PARD3B: variants seen among roughly 807,000 people sequenced by gnomAD.
PARD3B encodes par-3 family cell polarity regulator beta, also known as partitioning defective 3 homolog B.
A neutral mutation model predicts 130.2 loss-of-function variants in PARD3B; 103 were observed. The observed-to-expected ratio is 0.79, with a 90% CI of 0.67 to 0.93. PARD3B has a LOEUF of 0.93. Among genes scored for constraint, PARD3B ranks in the 40% least tolerant of loss-of-function variants. PARD3B has a pLI of 0.00. For missense variants in PARD3B, 1,609 were observed against 1,499.2 expected (o/e 1.07, Z -1.21); for synonymous variants, 583 against 553.2 (o/e 1.05, Z -0.76).
At chr2:204,711,897 G>T (rs1001489064) in intron 2 of PARD3B, among the ~76,000 whole-genome samples, 2 of 152,114 alleles carry the variant, frequency 1.3e-5, no homozygotes, top group Non-Finnish European at 2.9e-5. Flanking sequence ...GTGCAGAAAG[G>T]TGAAGTAACT....
At chr2:204,968,552 C>T (rs1691445983) in intron 3 of PARD3B, among the ~76,000 whole-genome samples, 1 of 152,224 alleles carries the variant, frequency 6.6e-6, no homozygotes, top group Non-Finnish European at 1.5e-5. Flanking sequence ...CTTGCAGCCA[C>T]TGTGAACCAC....
At chr2:204,970,696 T>G (rs1691628000) in intron 3 of PARD3B, among the ~76,000 whole-genome samples, 1 of 152,230 alleles carries the variant, frequency 6.6e-6, no homozygotes, top group African/African-American at 2.4e-5. Context: ...AAATATTTAT[T>G]TAGTTAAATT....
At chr2:205,264,063 C>A (rs2040414488) in intron 16 of PARD3B, among the ~76,000 whole-genome samples, 1 of 150,896 alleles carries the variant, frequency 6.6e-6, no homozygotes. Context: ...GGACCCAAAG[C>A]TGACCTGAGA....
rs1702088773 is a variant in PARD3B at position 205,091,282 on chromosome 2, C to T, written c.505-13144C>T. 6.6e-6 allele frequency among the ~76,000 whole-genome samples: 1 copy of T among 152,272 alleles called. No homozygotes were observed. The highest frequency in any genetic ancestry group is 3.4e-3 in the Middle Eastern group (1 of 294). Reference sequence around the variant, plus strand: ...ACACATACTACATGTAAGCCAAAGGCCCAGAGCTTGTAATAATTCATAATT... The same window carrying T: ...ACACATACTACATGTAAGCCAAAGGTCCAGAGCTTGTAATAATTCATAATT... On this transcript the variant is annotated intron_variant, in intron 4 of 22. Coordinates refer to ENST00000406610, the MANE Select transcript of PARD3B (RefSeq NM_001302769.2). The surrounding 1 kb of genome is among the most constrained non-coding windows in gnomAD (Gnocchi z 4.2).
At chr2:204,700,857 T>C (rs900017145) in intron 2 of PARD3B, among the ~76,000 whole-genome samples, 2 of 152,084 alleles carry the variant, frequency 1.3e-5, no homozygotes, top group Non-Finnish European at 2.9e-5. Flanking sequence ...TGTTTTAAAA[T>C]TGTTAAACTG....
At chr2:205,163,289 TAGAG>T (rs759081071) in intron 11 of PARD3B, among the ~76,000 whole-genome samples, 5 of 152,208 alleles carry the variant, frequency 3.3e-5, no homozygotes, top group Non-Finnish European at 7.3e-5. Flanking sequence ...GGCTGCTAAA[TAGAG>T]AGAATACATT....
chr2:205,390,749 TTG>T (rs1553502222), intron 18 of PARD3B, among the ~76,000 whole-genome samples: 2 of 152,216 alleles, frequency 1.3e-5, no homozygotes, highest in Non-Finnish European at 2.9e-5. Context: ...TTTCTTCATA[TTG>T]TCCGTTTGTT....
intron 2 of PARD3B, among the ~76,000 whole-genome samples, chr2:204,774,904 A>ATG (rs2041552358): frequency 6.6e-6 from 1 of 152,148 alleles, no homozygotes; most frequent in South Asian, 2.1e-4. Flanking sequence ...CCAGTAAGAA[A>ATG]TTGTGGCATT....
At chr2:204,995,258 T>G (rs1694063711) in intron 3 of PARD3B, among the ~76,000 whole-genome samples, 1 of 152,080 alleles carries the variant, frequency 6.6e-6, no homozygotes, top group South Asian at 2.1e-4. Flanking sequence ...CTTCAGGAGC[T>G]CTTTTAGGGC....
In PARD3B at chr2:205,125,861, A is replaced by G; in HGVS notation, c.1434+124A>G. ...TCATTCATAACCAAAATTGAATCAC[A>G]CTCAGGGTATTTTACCCCATTTGGG... is the stretch of plus-strand genomic sequence containing the variant. On this transcript the variant is annotated intron_variant, in intron 10 of 22. Transcript: ENST00000406610. This position sits in a 1 kb window ranked among gnomAD's most constrained non-coding sequence, Gnocchi z 4.0. The G allele has an allele frequency of 1.5e-6, 2 of 1,332,908 alleles. No individual in the cohort carries two copies. Among genetic ancestry groups the G allele is most frequent in the Non-Finnish European group, 1.0e-6 (1 of 972,960 alleles). 82.6% of individuals were successfully genotyped at this position (1,332,908 alleles called of 1,614,324 possible).
intron 2 of PARD3B, among the ~76,000 whole-genome samples, chr2:204,846,353 C>T (rs1028834607): frequency 6.6e-6 from 1 of 151,940 alleles, no homozygotes; most frequent in African/African-American, 2.4e-5. Context: ...ACTTTTAGAA[C>T]TAAAAACAAT....
chr2:204,933,218 A>G (rs1430620989), intron 2 of PARD3B, among the ~76,000 whole-genome samples: 1 of 152,220 alleles, frequency 6.6e-6, no homozygotes, highest in Non-Finnish European at 1.5e-5. Context: ...TTACTTTACA[A>G]GCTTTAGATA....
At chr2:205,204,142 A>C (rs1350894949) in intron 15 of PARD3B, among the ~76,000 whole-genome samples, 1 of 152,154 alleles carries the variant, frequency 6.6e-6, no homozygotes, top group African/African-American at 2.4e-5. Context: ...AATGATTGCC[A>C]TTCTAACTGG....
At chr2:205,084,182 C>T (rs1189472452) in intron 4 of PARD3B, among the ~76,000 whole-genome samples, 1 of 152,056 alleles carries the variant, frequency 6.6e-6, no homozygotes, top group Non-Finnish European at 1.5e-5. Flanking sequence ...TCTTTGCATT[C>T]TTATTGTATA....
intron 12 of PARD3B, among the ~76,000 whole-genome samples, chr2:205,172,871 T>C (rs1481245203): frequency 1.3e-5 from 2 of 152,134 alleles, no homozygotes; most frequent in African/African-American, 4.8e-5. Flanking sequence ...TAAATGGGAG[T>C]CTTGTTTTTT....
Position 204,545,689 on chromosome 2 carries a change from C to T in PARD3B, c.-311C>T, listed in dbSNP as rs2029878392. 8.0e-6 allele frequency: 2 copies of T among 249,778 alleles called. No homozygotes were observed. Among genetic ancestry groups the T allele is most frequent in the Non-Finnish European group, 1.5e-5 (2 of 132,150 alleles). The allele number at this position is 249,778 out of a possible 1,614,324, so 15.5% of individuals were successfully genotyped here. A position where few individuals can be genotyped will look rare whatever the true frequency, so the allele number is the denominator to read the frequency against. Reference sequence around the variant, plus strand: ...CGCTTTGGTGGGCGCGGAGCAGCCGCCTGGGCCGGGCAGGAGTAGGAGCGG... The same window carrying T: ...CGCTTTGGTGGGCGCGGAGCAGCCGTCTGGGCCGGGCAGGAGTAGGAGCGG... On this transcript the variant is annotated 5_prime_UTR_variant, in exon 1 of 23. Coordinates refer to ENST00000406610, the MANE Select transcript of PARD3B (RefSeq NM_001302769.2).
intron 2 of PARD3B, among the ~76,000 whole-genome samples, chr2:204,789,079 C>T (rs1458936170): frequency 1.3e-5 from 2 of 151,964 alleles, no homozygotes; most frequent in African/African-American, 4.8e-5. Context: ...ATTTTATAGT[C>T]AGGGCCTCTC....
intron 22 of PARD3B, among the ~76,000 whole-genome samples, chr2:205,582,485 G>T (rs2054023879): frequency 6.6e-6 from 1 of 152,156 alleles, no homozygotes; most frequent in South Asian, 2.1e-4. Context: ...GAAGGATGAG[G>T]AAGTAGCTGG....
chr2:205,043,942 G>A (rs1009503737), intron 3 of PARD3B, among the ~76,000 whole-genome samples: 2 of 149,578 alleles, frequency 1.3e-5, no homozygotes, highest in Non-Finnish European at 3.0e-5. Flanking sequence ...ATCTCCCAAT[G>A]CTATCCCTCC....
Sources: allele counts gnomAD v4.1 joint callset (sites outside exome capture counted in the v4.1 genomes callset), GRCh38; gene constraint gnomAD v4.1.1; non-coding constraint Gnocchi (gnomAD v3.1); transcripts MANE v1.5; gene names NCBI Gene and HGNC (gene_info 2026-07-23, HGNC 2026-07-21).